DGKH: variants seen among roughly 807,000 people sequenced by gnomAD.
DGKH encodes the protein diacylglycerol kinase eta.
In DGKH, 90 loss-of-function variants were observed where a neutral mutation model predicts 159.3. That is an observed-to-expected ratio of 0.57 (90% CI 0.48 to 0.67). The LOEUF (loss-of-function observed/expected upper bound fraction) is 0.67, where lower values mean the gene tolerates loss of function less well. DGKH is among the 30% of genes least tolerant of loss of function. The pLI, the probability that DGKH is intolerant of heterozygous loss-of-function variation, is 0.00. For missense variants in DGKH, 1,181 were observed against 1,506.1 expected (o/e 0.78, Z 3.57); for synonymous variants, 536 against 553.8 (o/e 0.97, Z 0.45).
intron 27 of DGKH, 74 bp from the exon 28 acceptor site, chr13:42,219,612 T>G: frequency 1.5e-6 from 2 of 1,368,072 alleles, no homozygotes; most frequent in Admixed American, 2.2e-5. Flanking sequence ...ATTCCTGTGT[T>G]ATCCCTATTA....
chr13:42,116,172 A>T (rs555131281), intron 1 of DGKH, among the ~76,000 whole-genome samples: 1 of 152,208 alleles, frequency 6.6e-6, no homozygotes. Flanking sequence ...ACCATTAAAG[A>T]TAGTCAGATA....
chr13:42,159,681 C>T (rs1239472324), intron 6 of DGKH, among the ~76,000 whole-genome samples: 3 of 152,162 alleles, frequency 2.0e-5, no homozygotes, highest in Middle Eastern at 3.4e-3. Context: ...ATTGGGGTTG[C>T]CTCTCAACAG....
At chr13:42,213,844 T>A (rs1957724954) in intron 24 of DGKH, among the ~76,000 whole-genome samples, 1 of 152,204 alleles carries the variant, frequency 6.6e-6, no homozygotes, top group African/African-American at 2.4e-5. Context: ...TCCTTGGCCT[T>A]AGTGCCTTCC....
chr13:42,247,210 A>G (rs1396871715), downstream of DGKH, among the ~76,000 whole-genome samples: 2 of 149,138 alleles, frequency 1.3e-5, no homozygotes, highest in Non-Finnish European at 3.0e-5. Context: ...TGGTTTATAC[A>G]TTTCCTACAC....
intron 1 of DGKH, chr13:42,071,008 C>A (rs537949355): frequency 1.5e-6 from 2 of 1,298,732 alleles, no homozygotes; most frequent in South Asian, 2.4e-5. Context: ...GTAATTGCCT[C>A]CACAACCCAG....
At chr13:42,187,238 T>C (rs541675159) in intron 14 of DGKH, 90 bp downstream of exon 14, 6 of 1,076,318 alleles carry the variant, frequency 5.6e-6, no homozygotes, top group Non-Finnish European at 8.4e-6. Context: ...TAGGTGGTTT[T>C]CCTGCCAAAA....
chr13:42,074,917 G>A (rs184927233), intron 1 of DGKH, among the ~76,000 whole-genome samples: 301 of 152,264 alleles, frequency 2.0e-3, no homozygotes, highest in Admixed American at 7.2e-3. Context: ...CATGAAATAA[G>A]GGTTACGTGG....
chr13:42,208,603 T>C (rs1216644081), intron 21 of DGKH, among the ~76,000 whole-genome samples: 2 of 151,970 alleles, frequency 1.3e-5, no homozygotes, highest in African/African-American at 2.4e-5. Flanking sequence ...TTTTTAGATT[T>C]CCAAAACTTA....
intron 7 of DGKH, among the ~76,000 whole-genome samples, chr13:42,162,688 C>T (rs2137989266): frequency 6.6e-6 from 1 of 152,040 alleles, no homozygotes; most frequent in South Asian, 2.1e-4. Flanking sequence ...CCTGTAATCC[C>T]AGCCACTTGG....
intron 9 of DGKH, among the ~76,000 whole-genome samples, chr13:42,167,110 AT>A (rs1358863988): frequency 6.6e-6 from 1 of 152,038 alleles, no homozygotes; most frequent in Non-Finnish European, 1.5e-5. Context: ...CTCAGTTCAC[AT>A]AAATGACAAA....
At chr13:42,076,119 C>T (rs946932215) in intron 1 of DGKH, among the ~76,000 whole-genome samples, 2 of 151,952 alleles carry the variant, frequency 1.3e-5, no homozygotes, top group South Asian at 4.2e-4. Context: ...AAATAAATTC[C>T]TCAAAATTTA....
At chr13:42,051,990 A>G (rs1266780865) in intron 1 of DGKH, among the ~76,000 whole-genome samples, 3 of 152,218 alleles carry the variant, frequency 2.0e-5, no homozygotes, top group Non-Finnish European at 2.9e-5. Context: ...CAGCACAAGC[A>G]GTTCTTGCTC....
intron 1 of DGKH, among the ~76,000 whole-genome samples, chr13:42,082,482 G>T: frequency 6.6e-6 from 1 of 151,970 alleles, no homozygotes. Flanking sequence ...TCTATTACAG[G>T]ATTTTTCCTT....
At chr13:42,171,615 T>C (rs566591613) in intron 11 of DGKH, among the ~76,000 whole-genome samples, 8 of 152,358 alleles carry the variant, frequency 5.3e-5, no homozygotes, top group African/African-American at 1.7e-4. Context: ...ACTTGACTTT[T>C]ATGTTTCTAC....
chr13:42,189,443 CATT>C, intron 15 of DGKH, 134 bp downstream of exon 15: 1 of 1,199,050 alleles, frequency 8.3e-7, no homozygotes. Flanking sequence ...AAGATACAGT[CATT>C]ATAAGAAAAC....
At chr13:42,226,757 T>C (rs1324182280) in intron 29 of DGKH, among the ~76,000 whole-genome samples, 1 of 151,344 alleles carries the variant, frequency 6.6e-6, no homozygotes, top group Non-Finnish European at 1.5e-5. Flanking sequence ...CTTGAGAGGC[T>C]GAGGCAGGAG....
intron 1 of DGKH, chr13:42,070,100 G>T: frequency 1.0e-6 from 1 of 963,828 alleles, no homozygotes; most frequent in Non-Finnish European, 1.7e-6. Flanking sequence ...ATATGAAAAG[G>T]ATGGCTTGAA....
intron 1 of DGKH, among the ~76,000 whole-genome samples, chr13:42,098,653 G>C (rs2137767212): frequency 6.6e-6 from 1 of 152,080 alleles, no homozygotes; most frequent in South Asian, 2.1e-4. Flanking sequence ...ATGTCATGCT[G>C]GTCTCTTTGT....
intron 3 of DGKH, 74 bp downstream of exon 3, chr13:42,129,706 T>A (rs898241819): frequency 1.5e-6 from 2 of 1,355,534 alleles, no homozygotes; most frequent in African/African-American, 2.9e-5. Context: ...CAGAATGCCC[T>A]GTTCAATTAC....
Sources: allele counts gnomAD v4.1 joint callset (sites outside exome capture counted in the v4.1 genomes callset), GRCh38; gene constraint gnomAD v4.1.1; transcripts MANE v1.5; gene names NCBI Gene and HGNC (gene_info 2026-07-23, HGNC 2026-07-21).